The following TRAPPC9 variants were observed in gnomAD, a reference collection of about 807,000 sequenced individuals.
TRAPPC9 encodes IKK2 binding protein.
Under a neutral mutation model 124.0 loss-of-function variants are expected in TRAPPC9, and 83 were observed. The observed-to-expected ratio is 0.67, with a 90% CI of 0.56 to 0.80. TRAPPC9 has a LOEUF of 0.80. TRAPPC9 is among the 30% of genes least tolerant of loss of function. TRAPPC9 has a pLI of 0.00. For missense variants in TRAPPC9, 1,302 were observed against 1,508.3 expected (o/e 0.86, Z 2.27); for synonymous variants, 638 against 617.5 (o/e 1.03, Z -0.49).
chr8:139,970,841 C>T (rs887982285), intron 19 of TRAPPC9, among the ~76,000 whole-genome samples: 12 of 152,062 alleles, frequency 7.9e-5, no homozygotes, highest in Admixed American at 7.9e-4. Flanking sequence ...TCTGGTGTGG[C>T]CAGAAGCCAG....
chr8:140,392,031 A>G (rs1393908631), intron 7 of TRAPPC9, among the ~76,000 whole-genome samples: 2 of 152,172 alleles, frequency 1.3e-5, no homozygotes, highest in East Asian at 3.8e-4. Context: ...CGTCTCAAAA[A>G]AAAAAAAAGA....
chr8:139,973,415 C>T (rs1053412456), intron 19 of TRAPPC9, among the ~76,000 whole-genome samples: 49 of 151,440 alleles, frequency 3.2e-4, no homozygotes, highest in African/African-American at 1.2e-3. Flanking sequence ...ACCACAGGGC[C>T]GTGGCACCCA....
At chr8:140,239,906 T>C (rs971775631) in intron 16 of TRAPPC9, among the ~76,000 whole-genome samples, 11 of 152,238 alleles carry the variant, frequency 7.2e-5, no homozygotes, top group Admixed American at 3.9e-4. Flanking sequence ...TTCCAAAAAT[T>C]AGTATTTATT....
chr8:140,299,086 G>A (rs1375669754), intron 11 of TRAPPC9, among the ~76,000 whole-genome samples: 17 of 152,208 alleles, frequency 1.1e-4, no homozygotes, highest in Admixed American at 9.8e-4. Flanking sequence ...GAGGGAGGGG[G>A]CATTTGAACA....
intron 17 of TRAPPC9, among the ~76,000 whole-genome samples, chr8:140,059,516 GA>G (rs1428282084): frequency 6.6e-6 from 1 of 152,182 alleles, no homozygotes; most frequent in African/African-American, 2.4e-5. Flanking sequence ...AACTTTAAAA[GA>G]AACTGATGAA....
intron 17 of TRAPPC9, among the ~76,000 whole-genome samples, chr8:140,180,372 AT>A (rs556090787): frequency 6.6e-6 from 1 of 151,886 alleles, no homozygotes; most frequent in African/African-American, 2.4e-5. Context: ...TGTTTGTCAT[AT>A]TTTTTCCTTT....
chr8:140,127,875 TA>T (rs1233345428), intron 17 of TRAPPC9, among the ~76,000 whole-genome samples: 2 of 152,196 alleles, frequency 1.3e-5, no homozygotes, highest in East Asian at 3.8e-4. Context: ...CCCAAGAATA[TA>T]AGAGCTAAAG....
intron 16 of TRAPPC9, among the ~76,000 whole-genome samples, chr8:140,239,960 T>C (rs1328627057): frequency 6.6e-6 from 1 of 152,150 alleles, no homozygotes; most frequent in East Asian, 1.9e-4. Context: ...TGAATAACTG[T>C]CCCAATTTCA....
intron 17 of TRAPPC9, among the ~76,000 whole-genome samples, chr8:140,101,228 C>T (rs2060572453): frequency 6.6e-6 from 1 of 152,162 alleles, no homozygotes; most frequent in Non-Finnish European, 1.5e-5. Flanking sequence ...CAGCCTCTGC[C>T]TCCCAGATTC....
At chr8:139,791,354 C>G (rs1483240833) in intron 21 of TRAPPC9, among the ~76,000 whole-genome samples, 2 of 149,688 alleles carry the variant, frequency 1.3e-5, no homozygotes, top group Admixed American at 1.3e-4. Flanking sequence ...CTCACACAGG[C>G]GCTCATCTCC....
At chr8:139,870,430 C>T (rs1165561755) in intron 21 of TRAPPC9, among the ~76,000 whole-genome samples, 4 of 152,196 alleles carry the variant, frequency 2.6e-5, no homozygotes, top group Admixed American at 1.3e-4. Flanking sequence ...GAATATCATA[C>T]AGTGCGACTC....
chr8:140,282,381 T>TA (rs1336925580), intron 14 of TRAPPC9, among the ~76,000 whole-genome samples: 2 of 151,634 alleles, frequency 1.3e-5, no homozygotes, highest in African/African-American at 4.9e-5. Flanking sequence ...CGGGTACCTA[T>TA]AATCCCAGCT....
chr8:140,352,153 G>A (rs1588200846), intron 9 of TRAPPC9, among the ~76,000 whole-genome samples: 4 of 152,264 alleles, frequency 2.6e-5, no homozygotes, highest in Admixed American at 2.6e-4. Flanking sequence ...TCCTTCACTT[G>A]GCATTACATT....
At chr8:140,254,342 C>A (rs1294267487) in intron 15 of TRAPPC9, among the ~76,000 whole-genome samples, 2 of 152,200 alleles carry the variant, frequency 1.3e-5, no homozygotes, top group Non-Finnish European at 2.9e-5. Context: ...GAGCCGGGGG[C>A]AGCCCTCCCT....
intron 21 of TRAPPC9, among the ~76,000 whole-genome samples, chr8:139,732,807 G>A (rs1208744052): frequency 6.6e-6 from 1 of 152,190 alleles, no homozygotes; most frequent in Admixed American, 6.5e-5. Context: ...CACAGAACAG[G>A]TGCTCAGGGA....
chr8:139,971,651 C>A (rs2131610551), intron 19 of TRAPPC9, among the ~76,000 whole-genome samples: 1 of 152,114 alleles, frequency 6.6e-6, no homozygotes, highest in Non-Finnish European at 1.5e-5. Context: ...CCAGGCGTGC[C>A]TGGCAAGATG....
intron 10 of TRAPPC9, among the ~76,000 whole-genome samples, chr8:140,305,595 C>T (rs181770246): frequency 2.7e-4 from 41 of 152,300 alleles, no homozygotes; most frequent in African/African-American, 9.6e-4. Flanking sequence ...AGCCACCGTG[C>T]CAGACCCAGG....
chr8:140,303,254 C>A (rs2066033619), intron 10 of TRAPPC9, among the ~76,000 whole-genome samples: 1 of 152,156 alleles, frequency 6.6e-6, no homozygotes, highest in Non-Finnish European at 1.5e-5. Flanking sequence ...GTTGAAGGAG[C>A]TCAATGTTAG....
At chr8:139,792,668 G>C (rs1279134360) in intron 21 of TRAPPC9, among the ~76,000 whole-genome samples, 2 of 152,218 alleles carry the variant, frequency 1.3e-5, no homozygotes, top group Non-Finnish European at 2.9e-5. Flanking sequence ...AGTCCTGGGT[G>C]TCTGCACTGC....
Sources: allele counts gnomAD v4.1 joint callset (sites outside exome capture counted in the v4.1 genomes callset), GRCh38; gene constraint gnomAD v4.1.1; transcripts MANE v1.5; gene names NCBI Gene and HGNC (gene_info 2026-07-23, HGNC 2026-07-21).